NUBPL: variants seen among roughly 807,000 people sequenced by gnomAD.
NUBPL encodes iron-sulfur cluster transfer protein NUBPL.
A neutral mutation model predicts 45.7 loss-of-function variants in NUBPL; 31 were observed. The ratio of observed to expected loss-of-function variants is 0.68; its 90% CI spans 0.51 to 0.92. The LOEUF (loss-of-function observed/expected upper bound fraction) is 0.92, where lower values mean the gene tolerates loss of function less well. NUBPL is among the 40% of genes least tolerant of loss of function. NUBPL has a pLI of 0.00. For synonymous variants in NUBPL, 144 were observed against 140.9 expected (o/e 1.02, Z -0.15); for missense variants, 401 against 398.7 (o/e 1.01, Z -0.05).
intron 10 of NUBPL, among the ~76,000 whole-genome samples, chr14:31,858,011 C>T (rs747026708): frequency 3.8e-4 from 58 of 152,200 alleles, no homozygotes; most frequent in Non-Finnish European, 7.6e-4. Context: ...AAAGACATAC[C>T]AGAGACTGGG....
chr14:31,819,607 A>C (rs1354144075), intron 7 of NUBPL, among the ~76,000 whole-genome samples: 1 of 152,190 alleles, frequency 6.6e-6, no homozygotes, highest in Non-Finnish European at 1.5e-5. Context: ...CTGAACTCTG[A>C]CCCAAATCCA....
chr14:31,766,928 A>G (rs1205451385), intron 6 of NUBPL, among the ~76,000 whole-genome samples: 1 of 152,156 alleles, frequency 6.6e-6, no homozygotes, highest in South Asian at 2.1e-4. Flanking sequence ...AGGAAGAAAG[A>G]GTAGGGAGAA....
At chr14:31,598,644 C>T (rs1221680855) in intron 3 of NUBPL, among the ~76,000 whole-genome samples, 1 of 152,202 alleles carries the variant, frequency 6.6e-6, no homozygotes, top group African/African-American at 2.4e-5. Flanking sequence ...CAGCTGGATG[C>T]ATCATCAAAG....
chr14:31,745,942 G>A (rs2038390052), intron 6 of NUBPL, among the ~76,000 whole-genome samples: 1 of 151,962 alleles, frequency 6.6e-6, no homozygotes. Context: ...CCATCTAGTG[G>A]ATGTTTGTGG....
At chr14:31,717,525 A>T (rs2037716537) in intron 6 of NUBPL, among the ~76,000 whole-genome samples, 1 of 152,170 alleles carries the variant, frequency 6.6e-6, no homozygotes, top group South Asian at 2.1e-4. Context: ...TTCCCCTATC[A>T]TAGCAAGAAA....
chr14:31,845,491 G>A (rs1371952016), intron 8 of NUBPL: 1 of 152,146 alleles, frequency 6.6e-6, no homozygotes, highest in African/African-American at 2.4e-5. Flanking sequence ...AAGAAACCCT[G>A]TCGCTACTAA....
chr14:31,784,193 T>C (rs1463253851), intron 6 of NUBPL, among the ~76,000 whole-genome samples: 1 of 152,204 alleles, frequency 6.6e-6, no homozygotes, highest in Non-Finnish European at 1.5e-5. Flanking sequence ...TTTAACAGGA[T>C]CACAACATTT....
intron 10 of NUBPL, among the ~76,000 whole-genome samples, chr14:31,858,310 G>A (rs2040657602): frequency 6.6e-6 from 1 of 152,172 alleles, no homozygotes. Flanking sequence ...TTGAAGATGA[G>A]ATTTGGGTGG....
At chr14:31,643,573 G>A (rs934984514) in intron 4 of NUBPL, among the ~76,000 whole-genome samples, 53 of 152,160 alleles carry the variant, frequency 3.5e-4, no homozygotes, top group African/African-American at 1.3e-3. Context: ...GAGGATTTTT[G>A]CATCTATGTT....
chr14:31,647,931 T>C (rs1173247976), intron 4 of NUBPL, among the ~76,000 whole-genome samples: 2 of 152,250 alleles, frequency 1.3e-5, no homozygotes, highest in African/African-American at 2.4e-5. Context: ...TAATTTCTTA[T>C]GGTTAATAAG....
intron 4 of NUBPL, among the ~76,000 whole-genome samples, chr14:31,646,560 G>T (rs895937931): frequency 1.6e-4 from 25 of 152,124 alleles, no homozygotes; most frequent in African/African-American, 6.0e-4. Flanking sequence ...TATGGTTTCT[G>T]TTGAGAAGTG....
chr14:31,649,955 G>A (rs969358923), intron 4 of NUBPL, among the ~76,000 whole-genome samples: 12 of 152,104 alleles, frequency 7.9e-5, no homozygotes, highest in Non-Finnish European at 1.8e-4. Flanking sequence ...CGCCTCTCAG[G>A]TTCAAGTGAT....
intron 6 of NUBPL, among the ~76,000 whole-genome samples, chr14:31,724,166 T>G (rs999772573): frequency 2.0e-5 from 3 of 152,210 alleles, no homozygotes; most frequent in Non-Finnish European, 4.4e-5. Flanking sequence ...TTTAGTGATA[T>G]TCTTCAATTG....
In NUBPL at chr14:31,859,142, G is replaced by C. The variant is rs1226204671; in HGVS notation, c.922G>C (p.Val308Leu). The C allele has an allele frequency of 1.2e-6, 2 of 1,613,894 alleles. No homozygotes were observed. The highest frequency in any genetic ancestry group is 1.7e-6 in the Non-Finnish European group (2 of 1,179,872). The change falls in exon 11 of 11, where the codon GTG becomes CTG. Residue 308 changes from valine to leucine, a missense_variant. Val to Leu is a conservative substitution (Grantham distance 32, BLOSUM62 1). Coordinates refer to ENST00000281081, the MANE Select transcript of NUBPL (RefSeq NM_025152.3). ...DEAKAYLRIA[V>L]EVVRRLPSPS... is the part of the protein sequence containing the mutation. ...GGCCAAAGCTTACTTGAGGATTGCT[G>C]TGGAAGTGGTAAGAAGATTGCCATC...
At chr14:31,793,365 A>G (rs2039417960) in intron 7 of NUBPL, among the ~76,000 whole-genome samples, 1 of 152,106 alleles carries the variant, frequency 6.6e-6, no homozygotes, top group South Asian at 2.1e-4. Flanking sequence ...ATTTAGCTCA[A>G]ATGTCTACTC....
intron 6 of NUBPL, among the ~76,000 whole-genome samples, chr14:31,716,696 T>A (rs540322766): frequency 6.6e-6 from 1 of 152,330 alleles, no homozygotes; most frequent in South Asian, 2.1e-4. Flanking sequence ...GGGCAATGCC[T>A]AATGGAAAGC....
chr14:31,587,220 CTTT>C (rs950984465), intron 3 of NUBPL, among the ~76,000 whole-genome samples: 8 of 152,124 alleles, frequency 5.3e-5, no homozygotes, highest in African/African-American at 1.9e-4. Context: ...GGGTTGGGTA[CTTT>C]TGGTAGAAAA....
At chr14:31,742,479 T>C (rs2038307255) in intron 6 of NUBPL, among the ~76,000 whole-genome samples, 1 of 152,222 alleles carries the variant, frequency 6.6e-6, no homozygotes, top group East Asian at 1.9e-4. Context: ...AGCTTCTAGA[T>C]GATGCTATTG....
chr14:31,668,170 C>T (rs543840189), intron 4 of NUBPL, among the ~76,000 whole-genome samples: 3 of 152,344 alleles, frequency 2.0e-5, no homozygotes, highest in East Asian at 1.9e-4. Flanking sequence ...GCTGCGCCTT[C>T]CTCCAGGTGC....
Sources: allele counts gnomAD v4.1 joint callset (sites outside exome capture counted in the v4.1 genomes callset), GRCh38; gene constraint gnomAD v4.1.1; transcripts MANE v1.5; gene names NCBI Gene and HGNC (gene_info 2026-07-23, HGNC 2026-07-21).